ST13: variants seen among roughly 807,000 people sequenced by gnomAD.
ST13 encodes the protein hsc70-interacting protein.
In ST13, 23 loss-of-function variants were observed where a neutral mutation model predicts 56.7. The ratio of observed to expected loss-of-function variants is 0.41; its 90% CI spans 0.29 to 0.57. The LOEUF (loss-of-function observed/expected upper bound fraction) is 0.57, where lower values mean the gene tolerates loss of function less well. Among genes scored for constraint, ST13 ranks in the 20% least tolerant of loss-of-function variants. The pLI, the probability that ST13 is intolerant of heterozygous loss-of-function variation, is 0.36. For synonymous variants in ST13, 132 were observed against 142.4 expected (o/e 0.93, Z 0.52); for missense variants, 369 against 459.9 (o/e 0.80, Z 1.81).
At chr22:40,844,017 G>C (rs1426857886) in intron 4 of ST13, among the ~76,000 whole-genome samples, 1 of 151,964 alleles carries the variant, frequency 6.6e-6, no homozygotes. Context: ...CAAGTAGCTG[G>C]GATTACAGGC....
At chr22:40,850,339 T>C (rs1236577605) in intron 2 of ST13, among the ~76,000 whole-genome samples, 2 of 152,244 alleles carry the variant, frequency 1.3e-5, no homozygotes, top group South Asian at 2.1e-4. Flanking sequence ...CTTCAGCTAC[T>C]GGTAACCTTC....
chr22:40,826,949 GAAAA>G, intron 11 of ST13, 143 bp downstream of exon 11: 1 of 1,001,246 alleles, frequency 1.0e-6, no homozygotes, highest in Non-Finnish European at 1.4e-6. Flanking sequence ...TCTGCATAAA[GAAAA>G]TAAATGTCAC....
chr22:40,846,550 T>C (rs1004212868), intron 3 of ST13, among the ~76,000 whole-genome samples: 1 of 152,174 alleles, frequency 6.6e-6, no homozygotes, highest in East Asian at 1.9e-4. Flanking sequence ...AAAACACTTT[T>C]AGGTGGAGAG....
intron 8 of ST13, chr22:40,832,273 TC>T (rs1306445035): frequency 2.1e-6 from 1 of 487,332 alleles, no homozygotes; most frequent in Non-Finnish European, 4.1e-6. Flanking sequence ...TTATAGATTT[TC>T]TATTTGTTTC....
intron 10 of ST13, 149 bp downstream of exon 10, chr22:40,829,476 AT>A (rs1481304354): frequency 2.6e-6 from 1 of 390,314 alleles, no homozygotes; most frequent in African/African-American, 2.1e-5. Context: ...ATGCCTAATA[AT>A]TCCATCATTT....
In ST13 at chr22:40,853,876, T is replaced by TA. The variant is rs1273838161; in HGVS notation, c.110+2554dup. Among the ~76,000 whole-genome samples the TA allele has an allele frequency of 2.6e-5, 4 of 151,882 alleles. No individual in the cohort carries two copies. The East Asian group carries it at 5.8e-4, about 22-fold the overall frequency. On this transcript the variant is annotated intron_variant, in intron 1 of 11. Coordinates refer to ENST00000216218, the MANE Select transcript of ST13 (RefSeq NM_003932.5). ...TACTAAATTGTTAAACGGGAGAAAA[T>TA]AGAGTGGGAGAATGCTTCTGTCTCT... is the stretch of plus-strand genomic sequence containing the variant.
intron 8 of ST13, chr22:40,831,979 A>C: frequency 7.5e-6 from 2 of 265,676 alleles, no homozygotes; most frequent in Non-Finnish European, 1.5e-5. Context: ...CAGCCTCCCG[A>C]GTAGCTGGGA....
At chr22:40,843,111 C>T (rs2057812450) in intron 4 of ST13, among the ~76,000 whole-genome samples, 1 of 152,114 alleles carries the variant, frequency 6.6e-6, no homozygotes, top group East Asian at 1.9e-4. Context: ...AAGAGTGAGA[C>T]ACTGTCTCAA....
chr22:40,841,958 T>C (rs999470779), intron 4 of ST13, among the ~76,000 whole-genome samples: 1 of 152,182 alleles, frequency 6.6e-6, no homozygotes, highest in Non-Finnish European at 1.5e-5. Context: ...GAAGAGAATG[T>C]ATGTGGTCTA....
intron 1 of ST13, among the ~76,000 whole-genome samples, chr22:40,853,832 C>T (rs145693278): frequency 2.0e-5 from 3 of 152,162 alleles, no homozygotes; most frequent in African/African-American, 7.2e-5. Context: ...CAAGTAAAGC[C>T]ATGAAACCAC....
chr22:40,855,705 T>C (rs191206661), intron 1 of ST13, among the ~76,000 whole-genome samples: 2 of 152,322 alleles, frequency 1.3e-5, no homozygotes, highest in African/African-American at 2.4e-5. Flanking sequence ...TTCGTCTAAA[T>C]AGACAGTACT....
intron 1 of ST13, among the ~76,000 whole-genome samples, chr22:40,852,803 C>T (rs2057868524): frequency 6.6e-6 from 1 of 152,140 alleles, no homozygotes; most frequent in South Asian, 2.1e-4. Context: ...CACTACTTTG[C>T]AAAAGAGCAC....
At chr22:40,848,111 A>G (rs1324844481) in intron 3 of ST13, among the ~76,000 whole-genome samples, 183 bp downstream of exon 3, 1 of 152,216 alleles carries the variant, frequency 6.6e-6, no homozygotes, top group Non-Finnish European at 1.5e-5. Flanking sequence ...CCAATATGCC[A>G]TTAATATCTG....
intron 3 of ST13, among the ~76,000 whole-genome samples, chr22:40,848,047 CA>C (rs2057841427): frequency 6.6e-6 from 1 of 151,218 alleles, no homozygotes; most frequent in Admixed American, 6.6e-5. Flanking sequence ...GACTCCATCT[CA>C]AAAAGAACAA....
Position 40,856,615 on chromosome 22 carries a change from C to A in ST13, c.-75G>T, listed in dbSNP as rs1000157111. 2.5e-6 allele frequency: 3 copies of A among 1,213,928 alleles called. No individual in the cohort carries two copies. Among genetic ancestry groups the A allele is most frequent in the Non-Finnish European group, 3.6e-6 (3 of 825,288 alleles). 75.2% of individuals were successfully genotyped at this position (1,213,928 alleles called of 1,614,324 possible). On this transcript the variant is annotated 5_prime_UTR_variant, in exon 1 of 12. Transcript: ENST00000216218. ...CCCAGGCGCTGGCTCGGCGTGACCG[C>A]GCAGAAGGGGGCGGCTGCCGCAAGA...
intron 8 of ST13, 139 bp from the exon 9 acceptor site, chr22:40,831,095 C>T (rs1326277474): frequency 1.8e-5 from 11 of 622,364 alleles, no homozygotes; most frequent in Non-Finnish European, 2.8e-5. Context: ...AAAGACCTAA[C>T]ACAAGCTAAG....
intron 2 of ST13, among the ~76,000 whole-genome samples, chr22:40,850,452 C>T (rs1260952805): frequency 6.6e-6 from 1 of 152,114 alleles, no homozygotes; most frequent in Admixed American, 6.5e-5. Flanking sequence ...AAATTACTGA[C>T]CTGGGATACT....
At chr22:40,837,502 C>T (rs758952341) in intron 5 of ST13, among the ~76,000 whole-genome samples, 1 of 152,142 alleles carries the variant, frequency 6.6e-6, no homozygotes, top group Non-Finnish European at 1.5e-5. Flanking sequence ...TAAAATTAGC[C>T]GCATATGGTG....
Position 40,830,942 on chromosome 22 carries a change from T to G in ST13, c.696A>C (p.Ala232=). 6.3e-7 allele frequency: 1 copy of G among 1,599,788 alleles called. No homozygotes were observed. The highest frequency in any genetic ancestry group is 8.5e-7 in the Non-Finnish European group (1 of 1,178,850). The change falls in exon 9 of 12, where the codon GCA becomes GCC. Residue 232 remains alanine, a synonymous_variant. Transcript: ENST00000216218. ...KEVQPRAQKI[A]EHRRKYERKR... is the part of the protein sequence containing the mutation. Reference sequence around the variant, plus strand: ...TTCGCTCATACTTTCTCCGATGTTCTGCAATTTTCTGTGCCTAGAAAAAAG... The same window carrying G: ...TTCGCTCATACTTTCTCCGATGTTCGGCAATTTTCTGTGCCTAGAAAAAAG...
Sources: gnomAD v4.1 joint callset for allele counts (sites outside exome capture counted in the v4.1 genomes callset) on GRCh38, gnomAD v4.1.1 for gene constraint, MANE v1.5 for transcripts, NCBI Gene and HGNC (gene_info 2026-07-23, HGNC 2026-07-21) for gene names.